NEMF: variants seen among roughly 807,000 people sequenced by gnomAD.
NEMF encodes the protein ribosome quality control complex subunit NEMF.
Under a neutral mutation model 162.2 loss-of-function variants are expected in NEMF, and 89 were observed. The observed-to-expected ratio is 0.55, with a 90% CI of 0.46 to 0.65. The LOEUF (loss-of-function observed/expected upper bound fraction) is 0.65, where lower values mean the gene tolerates loss of function less well. NEMF is among the 30% of genes least tolerant of loss of function. NEMF has a pLI of 0.00. For synonymous variants in NEMF, 421 were observed against 404.5 expected (o/e 1.04, Z -0.49); for missense variants, 1,133 against 1,261.9 (o/e 0.90, Z 1.55).
chr14:49,846,116 C>T, intron 4 of NEMF, 24 bp downstream of exon 4: 3 of 1,604,342 alleles, frequency 1.9e-6, no homozygotes, highest in African/African-American at 1.3e-5. Flanking sequence ...TTTTCCTTCA[C>T]CATATCCCAC....
intron 26 of NEMF, among the ~76,000 whole-genome samples, chr14:49,791,509 C>CAGGCG (rs958225126): frequency 3.3e-5 from 5 of 151,540 alleles, no homozygotes; most frequent in Admixed American, 6.6e-5. Context: ...GAGGCCGAGG[C>CAGGCG]AGGCGGATCA....
chr14:49,844,186 C>T (rs1893354609), intron 4 of NEMF, among the ~76,000 whole-genome samples: 1 of 151,810 alleles, frequency 6.6e-6, no homozygotes, highest in African/African-American at 2.4e-5. Context: ...GACAATTTTT[C>T]CATGGATGGG....
At chr14:49,787,164 TGGATAAATTTTTC>T (rs900230603) in intron 28 of NEMF, 1 of 168,072 alleles carries the variant, frequency 5.9e-6, no homozygotes, top group Non-Finnish European at 1.3e-5. Context: ...TCAACAGTTT[TGGATAAATTTTTC>T]CCATATCCCA....
chr14:49,807,658 G>A (rs1027953740), intron 18 of NEMF, among the ~76,000 whole-genome samples: 10 of 149,336 alleles, frequency 6.7e-5, no homozygotes, highest in Admixed American at 2.7e-4. Context: ...GTGCAGTGGC[G>A]TGATCTCGGC....
chr14:49,839,596 AT>A (rs1162095294), intron 5 of NEMF: 1 of 152,222 alleles, frequency 6.6e-6, no homozygotes, highest in African/African-American at 2.4e-5. Flanking sequence ...GTAAACCAGA[AT>A]TTCTCTCCCT....
intron 22 of NEMF, chr14:49,801,427 G>A (rs1368875129): frequency 1.3e-5 from 2 of 151,844 alleles, no homozygotes; most frequent in African/African-American, 4.8e-5. Flanking sequence ...GGCAGAGGTT[G>A]CAGTGAGCCG....
Position 49,785,304 on chromosome 14 carries a change from G to A in NEMF, c.2945C>T (p.Ser982Phe). The A allele has an allele frequency of 6.2e-7, 1 of 1,613,696 alleles. No individual in the cohort carries two copies. Among genetic ancestry groups the A allele is most frequent in the Non-Finnish European group, 8.5e-7 (1 of 1,179,714 alleles). Residue 982 changes from serine (S) to phenylalanine (F), a missense_variant, in exon 30 of 33, where the codon TCT (serine) becomes TTT (phenylalanine). Ser to Phe is a radical substitution (Grantham distance 155). Transcript: ENST00000298310. ...QQGNEENLFD[S>F]LTGQPHPEDV... ...TTCAGGATGTGGCTGGCCTGTCAAA[G>A]AATCAAATAGGTTTTCCTAAAAAGG...
intron 16 of NEMF, among the ~76,000 whole-genome samples, chr14:49,822,047 A>G (rs1266588653): frequency 6.6e-6 from 1 of 151,936 alleles, no homozygotes; most frequent in Non-Finnish European, 1.5e-5. Context: ...TGCTGTGTCC[A>G]CTCAGGGTTA....
At chr14:49,789,374 G>A in intron 27 of NEMF, 31 bp from the exon 28 acceptor site, 2 of 1,610,556 alleles carry the variant, frequency 1.2e-6, no homozygotes, top group Non-Finnish European at 1.7e-6. Flanking sequence ...ATCAGTCAGT[G>A]TTGTATTTTC....
At chr14:49,788,805 C>A (rs1890307097) in intron 28 of NEMF, among the ~76,000 whole-genome samples, 1 of 152,106 alleles carries the variant, frequency 6.6e-6, no homozygotes, top group Admixed American at 6.5e-5. Context: ...GATCTGCCTG[C>A]CTTGGCCTCT....
In NEMF at chr14:49,834,461, G is replaced by A. The variant is rs759016631; in HGVS notation, c.575-12C>T. On this transcript the variant is annotated splice_polypyrimidine_tract_variant and intron_variant, in intron 6 of 32. Coordinates refer to ENST00000298310, the MANE Select transcript of NEMF (RefSeq NM_004713.6). Reference sequence around the variant, plus strand: ...AGCTGGTCCATAGGCTATAAATGCAGAGGATATTACTTTTAGTATTTTCCT... The same window carrying A: ...AGCTGGTCCATAGGCTATAAATGCAAAGGATATTACTTTTAGTATTTTCCT... 2.7e-6 allele frequency: 4 copies of A among 1,504,342 alleles called. No individual in the cohort carries two copies. The highest frequency in any genetic ancestry group is 1.1e-5 in the South Asian group (1 of 87,866). The allele number at this position is 1,504,342 out of a possible 1,614,324, so 93.2% of individuals were successfully genotyped here. A position where few individuals can be genotyped will look rare whatever the true frequency, so the allele number is the denominator to read the frequency against.
At chr14:49,830,707 C>T (rs1314488790) in intron 11 of NEMF, among the ~76,000 whole-genome samples, 5 of 152,222 alleles carry the variant, frequency 3.3e-5, no homozygotes, top group Non-Finnish European at 5.9e-5. Context: ...GAAATTTTTG[C>T]ACACATATTT....
chr14:49,834,114 G>T, intron 7 of NEMF: 1 of 570,556 alleles, frequency 1.8e-6, no homozygotes, highest in Non-Finnish European at 3.3e-6. Flanking sequence ...TTTTGAGATG[G>T]GGGTCTCACT....
chr14:49,816,755 T>C (rs1289292077), intron 16 of NEMF, among the ~76,000 whole-genome samples: 1 of 152,232 alleles, frequency 6.6e-6, no homozygotes, highest in Non-Finnish European at 1.5e-5. Flanking sequence ...CATTGCTGAA[T>C]GGATGCACTA....
chr14:49,851,315 T>C (rs1893763674), intron 3 of NEMF, among the ~76,000 whole-genome samples: 1 of 152,228 alleles, frequency 6.6e-6, no homozygotes, highest in Non-Finnish European at 1.5e-5. Context: ...TAAGGCTGAA[T>C]GTGATAAAAG....
In NEMF at chr14:49,782,643, T is replaced by TAA; in HGVS notation, c.*1991_*1992dup. Reference sequence around the variant, plus strand: ...TTAGATTATTTAAAATTGTGTTTCCTAAGACTTAGCACTCTCGAAAAACTA... The same window carrying TAA: ...TTAGATTATTTAAAATTGTGTTTCCTAAAAGACTTAGCACTCTCGAAAAACTA... On this transcript the variant is annotated 3_prime_UTR_variant, in exon 33 of 33. Transcript: ENST00000298310. 2 of 1,500,688 alleles carry TAA rather than the reference T, an allele frequency of 1.3e-6. No individual in the cohort carries two copies. The highest frequency in any genetic ancestry group is 1.8e-6 in the Non-Finnish European group (2 of 1,095,898). 93.0% of individuals were successfully genotyped at this position (1,500,688 alleles called of 1,614,324 possible). A position where few individuals can be genotyped will look rare whatever the true frequency, so the allele number is the denominator to read the frequency against.
In NEMF at chr14:49,829,178, C is replaced by T; in HGVS notation, c.1108G>A (p.Ala370Thr). Residue 370 changes from alanine to threonine, a missense_variant, in exon 13 of 33, where the codon GCT becomes ACT. This residue lies in a region of NEMF where 582 missense variants were observed against 631.5 expected (regional missense o/e 0.92). Transcript: ENST00000298310. ...ATTTCTGTCCAATCTATCTGGTTAG[C>T]TAAAGCACTTCGAACTACCTGAATG... is the stretch of plus-strand genomic sequence containing the variant. The part of the protein sequence containing the change: ...RAIQVVRSAL[A>T]NQIDWTEIGL... 1 of 1,614,156 alleles carries T rather than the reference C, an allele frequency of 6.2e-7. No homozygotes were observed. Among genetic ancestry groups the T allele is most frequent in the Non-Finnish European group, 8.5e-7 (1 of 1,180,028 alleles).
intron 16 of NEMF, among the ~76,000 whole-genome samples, chr14:49,823,611 G>C (rs1332848481): frequency 6.6e-6 from 1 of 152,062 alleles, no homozygotes; most frequent in Non-Finnish European, 1.5e-5. Flanking sequence ...GACTGGTCTA[G>C]GGGGTTCCAT....
chr14:49,808,394 C>A (rs575402543), intron 18 of NEMF, among the ~76,000 whole-genome samples: 2 of 152,016 alleles, frequency 1.3e-5, no homozygotes, highest in African/African-American at 4.8e-5. Flanking sequence ...AGGCTGGTCT[C>A]GAACTCTTGA....
Sources: gnomAD v4.1 joint callset for allele counts (sites outside exome capture counted in the v4.1 genomes callset) on GRCh38, gnomAD v4.1.1 for gene constraint, gnomAD v4.1.1 regional missense constraint, MANE v1.5 for transcripts, NCBI Gene and HGNC (gene_info 2026-07-23, HGNC 2026-07-21) for gene names.